The following CASD1 variants were observed in gnomAD, a reference collection of about 807,000 sequenced individuals.
The protein encoded by CASD1 is CAS1 domain sialic acid O acetyltransferase 1.
CASD1 carries 41 observed loss-of-function variants against 100.0 expected under a neutral mutation model. The observed-to-expected ratio is 0.41, with a 90% CI of 0.32 to 0.53. The LOEUF (loss-of-function observed/expected upper bound fraction) is 0.53, where lower values mean the gene tolerates loss of function less well. Ranked by LOEUF, CASD1 falls within the 20% of genes least tolerant of loss-of-function variation. The pLI, the probability that CASD1 is intolerant of heterozygous loss-of-function variation, is 0.25. For synonymous variants in CASD1, 321 were observed against 315.6 expected, an observed-to-expected ratio of 1.02 and a Z score of -0.18; for missense variants, 774 against 948.7, an observed-to-expected ratio of 0.82 and a Z score of 2.42.
chr7:94,571,318 C>T, the CASD1 span, among the ~76,000 whole-genome samples: 2 of 152,146 alleles, frequency 1.3e-5, no homozygotes, highest in South Asian at 2.1e-4. Flanking sequence ...ACTGGGATTA[C>T]AGGCATGAGC....
chr7:94,529,738 A>G (rs1224763585), intron 5 of CASD1, among the ~76,000 whole-genome samples: 1 of 152,186 alleles, frequency 6.6e-6, no homozygotes, highest in Non-Finnish European at 1.5e-5. Context: ...GAATAACGAC[A>G]TAAGAAGGCA....
chr7:94,623,634 G>T, the CASD1 span: 1 of 499,526 alleles, frequency 2.0e-6, no homozygotes, highest in South Asian at 3.8e-5. Flanking sequence ...AAATCAGAAA[G>T]ACTCTTTCAT....
At chr7:94,625,954 T>C in the CASD1 span, 1 of 152,088 alleles carries the variant, frequency 6.6e-6, no homozygotes, top group African/African-American at 2.4e-5. Flanking sequence ...GATACTCAAC[T>C]GTATGAGATA....
the CASD1 span, among the ~76,000 whole-genome samples, chr7:94,575,770 A>ATT: frequency 2.6e-5 from 4 of 151,950 alleles, no homozygotes; most frequent in Admixed American, 6.6e-5. Context: ...TTGGTTGATG[A>ATT]TTTTTTCTCC....
chr7:94,606,883 C>T, the CASD1 span, among the ~76,000 whole-genome samples: 1 of 152,058 alleles, frequency 6.6e-6, no homozygotes, highest in Non-Finnish European at 1.5e-5. Context: ...AAGGAGAAAT[C>T]TTGGATGAAA....
the CASD1 span, among the ~76,000 whole-genome samples, chr7:94,630,116 A>G: frequency 6.6e-6 from 1 of 152,000 alleles, no homozygotes; most frequent in African/African-American, 2.4e-5. Context: ...ACTGTTATCA[A>G]ATAATGAAGC....
At chr7:94,539,622 T>C (rs918675549) in intron 10 of CASD1, among the ~76,000 whole-genome samples, 1 of 151,194 alleles carries the variant, frequency 6.6e-6, no homozygotes, top group Admixed American at 6.6e-5. Context: ...TGAGCCGATA[T>C]TTCACCACTG....
At chr7:94,589,272 T>C in the CASD1 span, 1 of 160,710 alleles carries the variant, frequency 6.2e-6, no homozygotes, top group Non-Finnish European at 1.4e-5. Context: ...GTTCCTTCCC[T>C]CTCCTTCAGT....
At chr7:94,523,630 T>C (rs946249881) in intron 3 of CASD1, among the ~76,000 whole-genome samples, 1 of 152,322 alleles carries the variant, frequency 6.6e-6, no homozygotes, top group East Asian at 1.9e-4. Flanking sequence ...ATGTCAGTTA[T>C]TCCCAAACCG....
rs1234243398 is a variant in CASD1 at position 94,533,236 on chromosome 7, C to A, written c.491C>A (p.Ala164Glu). The A allele has an allele frequency of 6.2e-7, 1 of 1,609,366 alleles. No individual in the cohort carries two copies. The highest frequency in any genetic ancestry group is 8.5e-7 in the Non-Finnish European group (1 of 1,176,908). Residue 164 changes from alanine (A) to glutamate (E), a missense_variant, in exon 6 of 18, where the codon GCA (alanine) becomes GAA (glutamate). By Grantham distance (107) the Ala-to-Glu change is moderately radical (BLOSUM62 -1). Around this residue, in one of 5 missense-constraint regions of CASD1, gnomAD observed 453 missense variants for 532.6 expected, o/e 0.85. Transcript: ENST00000297273. ...DSIAKPHVIV[A>E]GAATWSIKIH... Reference sequence around the variant, plus strand: ...ATTGCAAAGCCACATGTGATTGTAGCAGGAGCTGCCACAGTAAGTTATCAT... The same window carrying A: ...ATTGCAAAGCCACATGTGATTGTAGAAGGAGCTGCCACAGTAAGTTATCAT...
chr7:94,613,760 T>C, the CASD1 span, among the ~76,000 whole-genome samples: 1 of 152,198 alleles, frequency 6.6e-6, no homozygotes, highest in African/African-American at 2.4e-5. Context: ...TTTGTTATTT[T>C]ATGTATATAG....
chr7:94,532,887 C>T (rs1794919838), intron 5 of CASD1, among the ~76,000 whole-genome samples: 1 of 152,142 alleles, frequency 6.6e-6, no homozygotes, highest in African/African-American at 2.4e-5. Flanking sequence ...GAGCTTTACT[C>T]TAAGCATTTT....
In CASD1 at chr7:94,556,530, T is replaced by TA. The variant is rs879092451; in HGVS notation, c.*773dup. ...CAAGCTATACCAGTGTAATACCAGT[T>TA]ACCCTGTGGATCCATTTAATATGTT... On this transcript the variant is annotated 3_prime_UTR_variant, in exon 18 of 18. Coordinates refer to ENST00000297273, the MANE Select transcript of CASD1 (RefSeq NM_022900.5). 3.9e-5 allele frequency: 6 copies of TA among 152,192 alleles called. No homozygotes were observed. In the South Asian group the frequency reaches 1.2e-3, roughly 32 times the overall value. 9.4% of individuals were successfully genotyped at this position (152,192 alleles called of 1,614,324 possible). A position where few individuals can be genotyped will look rare whatever the true frequency, so the allele number is the denominator to read the frequency against.
chr7:94,570,032 C>G, the CASD1 span, among the ~76,000 whole-genome samples: 1 of 151,826 alleles, frequency 6.6e-6, no homozygotes, highest in African/African-American at 2.4e-5. Context: ...ACAGGATGGT[C>G]TTGATCTCCT....
the CASD1 span, chr7:94,588,392 G>C: frequency 8.5e-7 from 1 of 1,173,222 alleles, no homozygotes. Flanking sequence ...TTCATACCAA[G>C]GGGAAGAATA....
the CASD1 span, among the ~76,000 whole-genome samples, chr7:94,609,652 T>A: frequency 6.6e-6 from 1 of 152,052 alleles, no homozygotes; most frequent in African/African-American, 2.4e-5. Flanking sequence ...GAAAGACAAA[T>A]GAAAACAGTG....
chr7:94,585,980 C>T, the CASD1 span, among the ~76,000 whole-genome samples: 2 of 134,156 alleles, frequency 1.5e-5, no homozygotes, highest in Admixed American at 8.5e-5. Flanking sequence ...AGCTAGTGCT[C>T]AAGTCCAGGA....
At chr7:94,554,669 A>T in intron 17 of CASD1, 94 bp downstream of exon 17, 1 of 710,474 alleles carries the variant, frequency 1.4e-6, no homozygotes. Context: ...CATATATGTG[A>T]GTATGAAAAT....
At chr7:94,529,041 C>T (rs1421422858) in intron 5 of CASD1, among the ~76,000 whole-genome samples, 1 of 152,048 alleles carries the variant, frequency 6.6e-6, no homozygotes, top group African/African-American at 2.4e-5. Flanking sequence ...ACCTAGCCAC[C>T]ATTTCTAACC....
Sources: allele counts gnomAD v4.1 joint callset (sites outside exome capture counted in the v4.1 genomes callset), GRCh38; gene constraint gnomAD v4.1.1; regional missense constraint gnomAD v4.1.1; transcripts MANE v1.5; gene names NCBI Gene and HGNC (gene_info 2026-07-23, HGNC 2026-07-21).